INO80: variants seen among roughly 807,000 people sequenced by gnomAD.
INO80 encodes the protein chromatin-remodeling ATPase INO80.
INO80 carries 20 observed loss-of-function variants against 203.4 expected under a neutral mutation model. The ratio of observed to expected loss-of-function variants is 0.10; its 90% CI spans 0.07 to 0.14. The LOEUF (loss-of-function observed/expected upper bound fraction) is 0.14, where lower values mean the gene tolerates loss of function less well. Ranked by LOEUF, INO80 falls within the 10% of genes least tolerant of loss-of-function variation. INO80 has a pLI of 1.00. For missense variants in INO80, 1,419 were observed against 1,914.4 expected (o/e 0.74, Z 4.83); for synonymous variants, 726 against 685.2 (o/e 1.06, Z -0.93).
At chr15:41,009,561 C>T (rs2044102992) in intron 27 of INO80, among the ~76,000 whole-genome samples, 1 of 151,778 alleles carries the variant, frequency 6.6e-6, no homozygotes, top group African/African-American at 2.4e-5. Flanking sequence ...AGGACATGAA[C>T]TCATCATTTT....
chr15:41,054,150 C>T, intron 18 of INO80, 136 bp from the exon 19 acceptor site: 1 of 643,498 alleles, frequency 1.6e-6, no homozygotes, highest in Non-Finnish European at 2.6e-6. Context: ...CAGACTGAAA[C>T]TTTTTCCCAA....
At chr15:40,999,505 G>A (rs538369683) in intron 28 of INO80, 2 of 152,262 alleles carry the variant, frequency 1.3e-5, no homozygotes, top group Admixed American at 6.5e-5. Flanking sequence ...TTCCTACAGA[G>A]GCATGGATAA....
chr15:41,099,493 T>C (rs2045775995), intron 1 of INO80, among the ~76,000 whole-genome samples: 1 of 151,936 alleles, frequency 6.6e-6, no homozygotes, highest in African/African-American at 2.4e-5. Flanking sequence ...TGCTAAAAAA[T>C]ACTTTTGGCC....
intron 6 of INO80, among the ~76,000 whole-genome samples, chr15:41,086,430 C>G (rs1409862740): frequency 1.3e-5 from 2 of 152,046 alleles, no homozygotes; most frequent in Non-Finnish European, 2.9e-5. Flanking sequence ...GCAGGCGGAT[C>G]ACCTGAGGTC....
intron 5 of INO80, among the ~76,000 whole-genome samples, chr15:41,088,135 G>A (rs1199195062): frequency 5.1e-5 from 7 of 137,930 alleles, no homozygotes. Context: ...TCTGTCGCCA[G>A]GCTGGAGTGC....
intron 25 of INO80, among the ~76,000 whole-genome samples, chr15:41,021,419 A>C (rs1489181067): frequency 6.6e-6 from 1 of 152,212 alleles, no homozygotes; most frequent in Admixed American, 6.5e-5. Flanking sequence ...ATATGCATAT[A>C]TATCTGATCA....
intron 28 of INO80, among the ~76,000 whole-genome samples, chr15:41,004,187 G>T (rs563182278): frequency 2.6e-5 from 4 of 152,108 alleles, no homozygotes; most frequent in Non-Finnish European, 5.9e-5. Flanking sequence ...CTGCACGAGG[G>T]TAACAAATGG....
rs199963026 is a variant in INO80 at position 41,087,606 on chromosome 15, A to C, written c.614T>G (p.Leu205Arg). The C allele has an allele frequency of 3.0e-5, 48 of 1,613,858 alleles. No homozygotes were observed. Among genetic ancestry groups the C allele is most frequent in the Admixed American group, 1.3e-4 (8 of 59,960 alleles). Reference protein sequence around the residue: ...DPFYEQQRHLLGPKKKKFKEE... With the variant: ...DPFYEQQRHLRGPKKKKFKEE... ...CTTAAATTTCTTTTTCTTGGGTCCA[A>C]GTAGGTGCCGTTGTTGCTCATAGAA... is the stretch of plus-strand genomic sequence containing the variant. The change falls in exon 6 of 36, where the codon CTT becomes CGT. Residue 205 changes from leucine to arginine, a missense_variant. Around this residue, in one of 9 missense-constraint regions of INO80, gnomAD observed 323 missense variants for 325.4 expected, o/e 0.99. Coordinates refer to ENST00000648947, the MANE Select transcript of INO80 (RefSeq NM_017553.3).
chr15:41,104,544 T>C (rs2045855255), intron 1 of INO80, among the ~76,000 whole-genome samples: 1 of 152,100 alleles, frequency 6.6e-6, no homozygotes, highest in Non-Finnish European at 1.5e-5. Context: ...TTTCTTTTCT[T>C]TTCTTTTTTT....
Position 41,092,067 on chromosome 15 carries a change from TA to T in INO80, c.496del (p.Tyr166IlefsTer57). 1 of 1,611,850 alleles carries T rather than the reference TA, an allele frequency of 6.2e-7. No homozygotes were observed. Among genetic ancestry groups the T allele is most frequent in the Non-Finnish European group, 8.5e-7 (1 of 1,178,088 alleles). On this transcript the variant is annotated frameshift_variant, in exon 5 of 36. Transcript: ENST00000648947. LOFTEE classifies it high-confidence loss of function. Reference sequence around the variant, plus strand: ...ATACTTATTTTGGTGAAGTTTCTTATATTTGTGTAGTCGAAGCATGTTGTGA... The same window carrying T: ...ATACTTATTTTGGTGAAGTTTCTTATTTTGTGTAGTCGAAGCATGTTGTGA... The part of the protein sequence containing the change: ...ELHNMLRLHK[Y>X]KKLHQNKYSK...
chr15:41,028,261 G>A (rs1011119004), intron 24 of INO80, among the ~76,000 whole-genome samples: 4 of 151,676 alleles, frequency 2.6e-5, no homozygotes, highest in Admixed American at 6.6e-5. Context: ...TCATCCTCCC[G>A]AGTAGTTGCG....
intron 29 of INO80, among the ~76,000 whole-genome samples, chr15:40,992,607 G>C (rs1399904818): frequency 6.6e-6 from 1 of 152,150 alleles, no homozygotes; most frequent in Non-Finnish European, 1.5e-5. Flanking sequence ...TGCCAGACAA[G>C]CAACTAATCC....
At position 40,980,481 on chromosome 15, in the gene INO80, C is replaced by T. The variant is rs200426712; in HGVS notation, c.4454-41G>A. On this transcript the variant is annotated intron_variant, in intron 35 of 35. Coordinates refer to ENST00000648947, the MANE Select transcript of INO80 (RefSeq NM_017553.3). ...GAGACAAGAACGTAAGCACCAGTCC[C>T]GCGTAAGCTTCCTTGGAGCCTGTGG... The T allele has an allele frequency of 6.8e-5, 102 of 1,492,324 alleles. No homozygotes were observed. In the African/African-American group the frequency reaches 8.6e-4, roughly 13 times the overall value. 92.4% of individuals were successfully genotyped at this position (1,492,324 alleles called of 1,614,324 possible).
chr15:41,079,963 T>A, intron 8 of INO80, 59 bp from the exon 9 acceptor site: 2 of 1,455,756 alleles, frequency 1.4e-6, no homozygotes, highest in Non-Finnish European at 1.9e-6. Flanking sequence ...TGGTTCTTCC[T>A]GGACTCTAAA....
At chr15:41,062,890 G>C (rs1278898735) in intron 14 of INO80, among the ~76,000 whole-genome samples, 1 of 152,220 alleles carries the variant, frequency 6.6e-6, no homozygotes, top group East Asian at 1.9e-4. Context: ...TTTTGTTATA[G>C]CAGCACAAAA....
chr15:40,992,336 C>CA (rs2043827363), intron 29 of INO80, among the ~76,000 whole-genome samples: 1 of 152,202 alleles, frequency 6.6e-6, no homozygotes, highest in African/African-American at 2.4e-5. Context: ...GAGTCAAATG[C>CA]AAAGACAACC....
chr15:41,003,248 A>C (rs1239347650), intron 28 of INO80, among the ~76,000 whole-genome samples: 1 of 152,064 alleles, frequency 6.6e-6, no homozygotes, highest in Non-Finnish European at 1.5e-5. Flanking sequence ...AATAGTATAA[A>C]TATAACCCTA....
chr15:41,046,671 G>A (rs978610624), intron 23 of INO80, among the ~76,000 whole-genome samples: 2 of 150,986 alleles, frequency 1.3e-5, no homozygotes, highest in East Asian at 2.0e-4. Flanking sequence ...AGGTGGGAGC[G>A]CAGTGGAGCG....
chr15:41,009,269 A>G (rs549872891), intron 27 of INO80, among the ~76,000 whole-genome samples: 122 of 149,624 alleles, frequency 8.2e-4, no homozygotes, highest in African/African-American at 2.8e-3. Flanking sequence ...TTTAGGGTAC[A>G]TGTGCACAAT....
Sources: allele counts gnomAD v4.1 joint callset (sites outside exome capture counted in the v4.1 genomes callset), GRCh38; gene constraint gnomAD v4.1.1; regional missense constraint gnomAD v4.1.1; transcripts MANE v1.5; gene names NCBI Gene and HGNC (gene_info 2026-07-23, HGNC 2026-07-21).